Variants in TNFRSF8 observed in about 807,000 individuals in gnomAD.
The protein encoded by TNFRSF8 is TNF receptor superfamily member 8.
A neutral mutation model predicts 70.8 loss-of-function variants in TNFRSF8; 26 were observed. The ratio of observed to expected loss-of-function variants is 0.37; its 90% CI spans 0.27 to 0.51. TNFRSF8 has a LOEUF of 0.51. Ranked by LOEUF, TNFRSF8 falls within the 20% of genes least tolerant of loss-of-function variation. The pLI is 0.94. For missense variants in TNFRSF8, 720 were observed against 807.9 expected (o/e 0.89, Z 1.32); for synonymous variants, 356 against 339.2 (o/e 1.05, Z -0.54).
At chr1:12,121,440 GGT>G (rs1641827558) in intron 8 of TNFRSF8, among the ~76,000 whole-genome samples, 1 of 152,146 alleles carries the variant, frequency 6.6e-6, no homozygotes, top group African/African-American at 2.4e-5. Flanking sequence ...GGGGTGGAGA[GGT>G]GTAGTGACTG....
At chr1:12,118,330 C>T (rs890327449) in intron 8 of TNFRSF8, among the ~76,000 whole-genome samples, 4 of 152,054 alleles carry the variant, frequency 2.6e-5, no homozygotes, top group African/African-American at 4.8e-5. Flanking sequence ...AGGCTGGTCT[C>T]GAACTCCTGA....
At chr1:12,066,089 A>G (rs1299602283) in intron 1 of TNFRSF8, among the ~76,000 whole-genome samples, 4 of 152,100 alleles carry the variant, frequency 2.6e-5, no homozygotes, top group Admixed American at 2.0e-4. Flanking sequence ...TCTCAATGTG[A>G]TTAGTGAAAA....
In TNFRSF8 at chr1:12,109,967, C is replaced by A; in HGVS notation, c.513-74C>A. 1 of 1,538,128 alleles carries A rather than the reference C, an allele frequency of 6.5e-7. No individual in the cohort carries two copies. Among genetic ancestry groups the A allele is most frequent in the Non-Finnish European group, 8.8e-7 (1 of 1,133,502 alleles). On this transcript the variant is annotated intron_variant, in intron 5 of 14. Coordinates refer to ENST00000263932, the MANE Select transcript of TNFRSF8 (RefSeq NM_001243.5). The surrounding 1 kb of genome is among the most constrained non-coding windows in gnomAD (Gnocchi z 4.4). ...GCCTGGGACCCCATCTCTGTGGAAA[C>A]TGTTACTCGTGAGCACAGGCCTCCC...
In TNFRSF8 at chr1:12,119,283, C is replaced by T. The variant is rs1356003155; in HGVS notation, c.946+3554C>T. 2.0e-5 allele frequency among the ~76,000 whole-genome samples: 3 copies of T among 152,190 alleles called. No homozygotes were observed. Among genetic ancestry groups the T allele is most frequent in the Non-Finnish European group, 4.4e-5 (3 of 68,036 alleles). On this transcript the variant is annotated intron_variant, in intron 8 of 14. Coordinates refer to ENST00000263932, the MANE Select transcript of TNFRSF8 (RefSeq NM_001243.5). This position sits in a 1 kb window ranked among gnomAD's most constrained non-coding sequence, Gnocchi z 4.4. ...CAAAAGTGTCCTGACTCCCTGATTC[C>T]CTCTGTGCATCCCCCACCAGCCACA... is the stretch of plus-strand genomic sequence containing the variant.
At chr1:12,101,153 G>T (rs1331535914) in intron 3 of TNFRSF8, among the ~76,000 whole-genome samples, 1 of 152,170 alleles carries the variant, frequency 6.6e-6, no homozygotes, top group Admixed American at 6.5e-5. Context: ...AGGCCGGCTT[G>T]GTGGCTGATG....
chr1:12,106,555 A>C (rs1641527579), intron 4 of TNFRSF8, among the ~76,000 whole-genome samples: 2 of 152,148 alleles, frequency 1.3e-5, no homozygotes, highest in African/African-American at 4.8e-5. Flanking sequence ...CCACTGCCTG[A>C]TCAAATGCTA....
intron 2 of TNFRSF8, among the ~76,000 whole-genome samples, chr1:12,091,085 A>G (rs1371180497): frequency 2.0e-5 from 3 of 152,258 alleles, no homozygotes; most frequent in Non-Finnish European, 4.4e-5. Context: ...GAAAGAGCTC[A>G]GAAGAAACTA....
intron 2 of TNFRSF8, among the ~76,000 whole-genome samples, chr1:12,089,443 C>G (rs772091365): frequency 2.6e-5 from 4 of 152,202 alleles, no homozygotes; most frequent in Non-Finnish European, 2.9e-5. Flanking sequence ...AGACCAGCCT[C>G]TCTCTCCTGT....
chr1:12,104,672 C>T, intron 4 of TNFRSF8, 141 bp downstream of exon 4: 3 of 1,081,958 alleles, frequency 2.8e-6, no homozygotes, highest in Non-Finnish European at 4.0e-6. Flanking sequence ...TGGCGATGGG[C>T]CAGGGATGTA....
rs1437845510 is a variant in TNFRSF8 at position 12,143,941 on chromosome 1, A to C, written c.*1410A>C. The C allele has an allele frequency of 3.9e-5, 6 of 152,308 alleles. No individual in the cohort carries two copies. Among genetic ancestry groups the C allele is most frequent in the African/African-American group, 1.4e-4 (6 of 41,472 alleles). 9.4% of individuals were successfully genotyped at this position (152,308 alleles called of 1,614,324 possible). On this transcript the variant is annotated 3_prime_UTR_variant, in exon 15 of 15. Transcript: ENST00000263932. This position sits in a 1 kb window ranked among gnomAD's most constrained non-coding sequence, Gnocchi z 4.1. ...TGGCCTTGCGAGAGGTGGTTACACC[A>C]GAACCTGGACATTGGCCAGAAGAAG...
Position 12,109,966 on chromosome 1 carries a change from A to G in TNFRSF8, c.513-75A>G. 1.3e-6 allele frequency: 2 copies of G among 1,531,618 alleles called. No individual in the cohort carries two copies. The highest frequency in any genetic ancestry group is 2.7e-5 in the African/African-American group (2 of 72,946). 94.9% of individuals were successfully genotyped at this position (1,531,618 alleles called of 1,614,324 possible). A position where few individuals can be genotyped will look rare whatever the true frequency, so the allele number is the denominator to read the frequency against. On this transcript the variant is annotated intron_variant, in intron 5 of 14. Coordinates refer to ENST00000263932, the MANE Select transcript of TNFRSF8 (RefSeq NM_001243.5). The surrounding 1 kb of genome is among the most constrained non-coding windows in gnomAD (Gnocchi z 4.4). The stretch of plus-strand genomic sequence containing the variant: ...GGCCTGGGACCCCATCTCTGTGGAA[A>G]CTGTTACTCGTGAGCACAGGCCTCC...
chr1:12,078,976 G>T (rs1641015310), intron 1 of TNFRSF8, among the ~76,000 whole-genome samples: 1 of 152,156 alleles, frequency 6.6e-6, no homozygotes, highest in South Asian at 2.1e-4. Context: ...GCTGGCCCGG[G>T]GCCTCACCTT....
At chr1:12,087,409 C>T (rs1453154203) in intron 2 of TNFRSF8, among the ~76,000 whole-genome samples, 2 of 152,166 alleles carry the variant, frequency 1.3e-5, no homozygotes, top group Non-Finnish European at 2.9e-5. Flanking sequence ...CTCCAGTGGT[C>T]TGCCCGCCTT....
intron 1 of TNFRSF8, among the ~76,000 whole-genome samples, chr1:12,076,916 C>T (rs184964425): frequency 2.0e-5 from 3 of 152,168 alleles, no homozygotes; most frequent in Non-Finnish European, 4.4e-5. Flanking sequence ...TGGCGGTAGA[C>T]GCATAGTCCC....
At chr1:12,092,898 C>T (rs1244231362) in intron 2 of TNFRSF8, among the ~76,000 whole-genome samples, 2 of 151,986 alleles carry the variant, frequency 1.3e-5, no homozygotes, top group Non-Finnish European at 1.5e-5. Context: ...CTCCACCTCC[C>T]AGGTTCAAGT....
chr1:12,132,881 G>A (rs1193433703), intron 12 of TNFRSF8, among the ~76,000 whole-genome samples: 1 of 149,618 alleles, frequency 6.7e-6, no homozygotes, highest in Non-Finnish European at 1.5e-5. Flanking sequence ...ATTTACCACT[G>A]GGCACCTTCA....
rs1054515096 is a variant in TNFRSF8, at chr1:12,075,136, C to T, written c.64-9328C>T. Among the ~76,000 whole-genome samples the T allele has an allele frequency of 1.6e-4, 25 of 151,682 alleles. No individual in the cohort carries two copies. In the East Asian group the frequency reaches 1.8e-3, roughly 11 times the overall value. On this transcript the variant is annotated intron_variant, in intron 1 of 14. Transcript: ENST00000263932. ...GCACATGCCTGTAATCCCAGCTACT[C>T]GGGAGGCTGAGGCAGGAGAATCGCT... is the stretch of plus-strand genomic sequence containing the variant.
chr1:12,134,624 G>A (rs1642111931), intron 12 of TNFRSF8, among the ~76,000 whole-genome samples: 1 of 152,188 alleles, frequency 6.6e-6, no homozygotes. Context: ...GAGATGGCCC[G>A]AGAGCAGTTG....
Position 12,142,449 on chromosome 1 carries a change from T to A in TNFRSF8, c.1706T>A (p.Leu569Gln). ...HYPEQETEPPLGSCSDVMLSV... is the reference protein window; with the variant it reads ...HYPEQETEPPQGSCSDVMLSV... ...CCCGAGCAGGAGACAGAACCGCCTCTGGGCAGCTGCAGCGATGTCATGCTC... is the reference window on the plus strand; with the variant it reads ...CCCGAGCAGGAGACAGAACCGCCTCAGGGCAGCTGCAGCGATGTCATGCTC... The change falls in exon 15 of 15, where the codon CTG becomes CAG. Residue 569 changes from leucine (L) to glutamine (Q), a missense_variant. Transcript: ENST00000263932. The surrounding 1 kb of genome is among the most constrained non-coding windows in gnomAD (Gnocchi z 5.0). 6.2e-7 allele frequency: 1 copy of A among 1,612,538 alleles called. No homozygotes were observed. The highest frequency in any genetic ancestry group is 1.1e-5 in the South Asian group (1 of 90,652).
Sources: gnomAD v4.1 joint callset for allele counts (sites outside exome capture counted in the v4.1 genomes callset) on GRCh38, gnomAD v4.1.1 for gene constraint, Gnocchi (gnomAD v3.1) non-coding constraint, MANE v1.5 for transcripts, NCBI Gene and HGNC (gene_info 2026-07-23, HGNC 2026-07-21) for gene names.